Variants in RAB1A observed in about 807,000 individuals in gnomAD.
RAB1A encodes the protein ras-related protein Rab-1A.
RAB1A carries 2 observed loss-of-function variants against 26.0 expected under a neutral mutation model. The observed-to-expected ratio is 0.08, with a 90% CI of 0.03 to 0.24. RAB1A has a LOEUF of 0.24. Ranked by LOEUF, RAB1A falls within the 10% of genes least tolerant of loss-of-function variation. The pLI, the probability that RAB1A is intolerant of heterozygous loss-of-function variation, is 1.00. For synonymous variants in RAB1A, 84 were observed against 84.9 expected (o/e 0.99, Z 0.06); for missense variants, 100 against 247.0 (o/e 0.40, Z 3.99).
intron 1 of RAB1A, among the ~76,000 whole-genome samples, chr2:65,122,329 C>T (rs1388651822): frequency 1.3e-5 from 2 of 150,204 alleles, no homozygotes; most frequent in East Asian, 2.0e-4. Context: ...AGGTGGATCT[C>T]GAGACCAGGA....
chr2:65,112,251 G>A (rs1013998509), intron 1 of RAB1A, among the ~76,000 whole-genome samples: 3 of 150,772 alleles, frequency 2.0e-5, no homozygotes, highest in South Asian at 2.1e-4. Context: ...GGGTTCAAGC[G>A]ATTCACCTGC....
At position 65,087,710 on chromosome 2, in the gene RAB1A, T is replaced by C. The variant is rs1284042296; in HGVS notation, c.*783A>G. 1 of 152,676 alleles carries C rather than the reference T, an allele frequency of 6.5e-6. No individual in the cohort carries two copies. The highest frequency in any genetic ancestry group is 1.5e-5 in the Non-Finnish European group (1 of 68,050). The allele number at this position is 152,676 out of a possible 1,614,324, so 9.5% of individuals were successfully genotyped here. ...ACAGAAGCCCCTCTAGGTCATGTTA[T>C]TGGGCATATTATCTAGAAAGCAAAT... On this transcript the variant is annotated 3_prime_UTR_variant, in exon 6 of 6. Coordinates refer to ENST00000409784, the MANE Select transcript of RAB1A (RefSeq NM_004161.5).
At chr2:65,102,743 T>A (rs984097165) in intron 2 of RAB1A, among the ~76,000 whole-genome samples, 1 of 150,772 alleles carries the variant, frequency 6.6e-6, no homozygotes, top group African/African-American at 2.4e-5. Context: ...CTGGCCAACA[T>A]GGTGAAACCC....
chr2:65,107,126 A>T (rs1669581184), intron 1 of RAB1A, among the ~76,000 whole-genome samples: 1 of 149,314 alleles, frequency 6.7e-6, no homozygotes, highest in Non-Finnish European at 1.5e-5. Flanking sequence ...AGTGCAGTGA[A>T]GCAATCTCAG....
At chr2:65,117,503 C>T (rs1669852107) in intron 1 of RAB1A, among the ~76,000 whole-genome samples, 1 of 152,072 alleles carries the variant, frequency 6.6e-6, no homozygotes, top group African/African-American at 2.4e-5. Flanking sequence ...AGGCCTCCAA[C>T]CATGAATTCG....
chr2:65,098,128 TG>T, intron 2 of RAB1A, 62 bp from the exon 3 acceptor site: 1 of 942,618 alleles, frequency 1.1e-6, no homozygotes. Context: ...CAAGTCTAAG[TG>T]GAAAAAAAAA....
Position 65,088,293 on chromosome 2 carries a change from T to C in RAB1A, c.*200A>G. 1.9e-6 allele frequency: 1 copy of C among 514,904 alleles called. No homozygotes were observed. Among genetic ancestry groups the C allele is most frequent in the East Asian group, 3.2e-5 (1 of 31,542 alleles). The allele number at this position is 514,904 out of a possible 1,614,324, so 31.9% of individuals were successfully genotyped here. A position where few individuals can be genotyped will look rare whatever the true frequency, so the allele number is the denominator to read the frequency against. On this transcript the variant is annotated 3_prime_UTR_variant, in exon 6 of 6. Transcript: ENST00000409784. ...ACCAGCACACAAAGGTTTAAAACAG[T>C]TCTGAAAATGAAGTTAGCTGTCTTG...
rs771209043 is a variant in RAB1A, at chr2:65,087,838, A to G, written c.*655T>C. The G allele has an allele frequency of 2.6e-5, 4 of 152,704 alleles. No homozygotes were observed. The highest frequency in any genetic ancestry group is 5.9e-5 in the Non-Finnish European group (4 of 68,054). The allele number at this position is 152,704 out of a possible 1,614,324, so 9.5% of individuals were successfully genotyped here. On this transcript the variant is annotated 3_prime_UTR_variant, in exon 6 of 6. Transcript: ENST00000409784. ...TGCAAGGCTCTATTTCCCTTTAACC[A>G]TAAGAATCAAAACAATACTTATCAC...
At chr2:65,093,975 CTTT>C (rs57541246) in intron 3 of RAB1A, among the ~76,000 whole-genome samples, 3 of 146,436 alleles carry the variant, frequency 2.0e-5, no homozygotes, top group African/African-American at 7.6e-5. Flanking sequence ...AGACCCTCTT[CTTT>C]TTTTTTTTTG....
At chr2:65,129,208 A>C (rs561727650) in intron 1 of RAB1A, among the ~76,000 whole-genome samples, 34 of 151,894 alleles carry the variant, frequency 2.2e-4, no homozygotes, top group East Asian at 1.9e-3. Context: ...TAAAAAAAAA[A>C]AAAACAAAAT....
At chr2:65,089,702 A>ATTTTTGTTTTTT (rs1669123145) in intron 4 of RAB1A, among the ~76,000 whole-genome samples, 1 of 141,950 alleles carries the variant, frequency 7.0e-6, no homozygotes, top group African/African-American at 2.7e-5. Flanking sequence ...AATTTGATTA[A>ATTTTTGTTTTTT]TTTTTTTTTT....
intron 4 of RAB1A, among the ~76,000 whole-genome samples, chr2:65,089,992 T>C (rs1245041777): frequency 2.6e-5 from 4 of 152,228 alleles, no homozygotes; most frequent in African/African-American, 7.2e-5. Flanking sequence ...CGTGAGCCAC[T>C]GCGCCTGGCC....
intron 1 of RAB1A, among the ~76,000 whole-genome samples, chr2:65,117,502 A>G (rs1669852046): frequency 6.6e-6 from 1 of 152,092 alleles, no homozygotes; most frequent in Non-Finnish European, 1.5e-5. Flanking sequence ...CAGGCCTCCA[A>G]CCATGAATTC....
chr2:65,099,945 G>A (rs17040051), intron 2 of RAB1A, among the ~76,000 whole-genome samples: 4,040 of 152,126 alleles, frequency 0.027, 221 homozygotes, highest in East Asian at 0.23. Context: ...CAATCTACAG[G>A]ACAAGTGCTT....
chr2:65,117,559 A>G (rs1669853234), intron 1 of RAB1A, among the ~76,000 whole-genome samples: 1 of 151,986 alleles, frequency 6.6e-6, no homozygotes. Flanking sequence ...ACTTGACTAA[A>G]ATTTTAAATT....
intron 1 of RAB1A, among the ~76,000 whole-genome samples, chr2:65,116,063 G>T (rs951683882): frequency 6.6e-6 from 1 of 152,092 alleles, no homozygotes; most frequent in Non-Finnish European, 1.5e-5. Context: ...GGCTGAGGCA[G>T]GAAGAATTGC....
chr2:65,103,304 A>AAAAAACAAAAAAAAAAAC (rs1553392776), intron 2 of RAB1A, among the ~76,000 whole-genome samples: 1 of 112,502 alleles, frequency 8.9e-6, no homozygotes, highest in African/African-American at 3.1e-5. Context: ...TGTCTCAAAA[A>AAAAAACAAAAAAAAAAAC]AAAAAAAAAA....
chr2:65,128,129 C>T (rs1361435870), intron 1 of RAB1A, among the ~76,000 whole-genome samples: 1 of 152,090 alleles, frequency 6.6e-6, no homozygotes, highest in Non-Finnish European at 1.5e-5. Flanking sequence ...CTGAAGAATG[C>T]TCACACGGTT....
chr2:65,097,311 T>C (rs1351184624), intron 3 of RAB1A, among the ~76,000 whole-genome samples: 1 of 151,892 alleles, frequency 6.6e-6, no homozygotes, highest in African/African-American at 2.4e-5. Flanking sequence ...CTATATTTAA[T>C]TGGGGGCTGG....
Sources: allele counts gnomAD v4.1 joint callset (sites outside exome capture counted in the v4.1 genomes callset), GRCh38; gene constraint gnomAD v4.1.1; transcripts MANE v1.5; gene names NCBI Gene and HGNC (gene_info 2026-07-23, HGNC 2026-07-21).